CLVS1: variants seen among roughly 807,000 people sequenced by gnomAD.
CLVS1 encodes clavesin 1, also known as clavesin-1.
A neutral mutation model predicts 33.1 loss-of-function variants in CLVS1; 10 were observed. The ratio of observed to expected loss-of-function variants is 0.30; its 90% CI spans 0.19 to 0.51. The LOEUF (loss-of-function observed/expected upper bound fraction) is 0.51. CLVS1 is among the 20% of genes least tolerant of loss of function. The pLI, the probability that CLVS1 is intolerant of heterozygous loss-of-function variation, is 0.97. For missense variants in CLVS1, 343 were observed against 433.4 expected (o/e 0.79, Z 1.85); for synonymous variants, 163 against 166.1 (o/e 0.98, Z 0.14).
upstream of CLVS1, among the ~76,000 whole-genome samples, chr8:61,283,978 G>A (rs1432459176): frequency 2.0e-5 from 3 of 152,092 alleles, no homozygotes; most frequent in Admixed American, 6.6e-5. Context: ...TATGGAATCG[G>A]CCTAAGTGTA....
At chr8:61,119,719 G>A (rs1318515218) in intron 1 of CLVS1, among the ~76,000 whole-genome samples, 1 of 127,760 alleles carries the variant, frequency 7.8e-6, no homozygotes, top group African/African-American at 3.4e-5. Flanking sequence ...CTTCTGGCTT[G>A]TAGGGTTTCT....
At chr8:61,498,052 C>CCTAT (rs1804329204) in intron 5 of CLVS1, among the ~76,000 whole-genome samples, 1 of 152,142 alleles carries the variant, frequency 6.6e-6, no homozygotes, top group Non-Finnish European at 1.5e-5. Context: ...TTGCTAACCT[C>CCTAT]CTATCTCATT....
intron 2 of CLVS1, among the ~76,000 whole-genome samples, chr8:61,262,994 C>T (rs571245216): frequency 6.6e-6 from 1 of 152,260 alleles, no homozygotes; most frequent in Non-Finnish European, 1.5e-5. Flanking sequence ...TGCTGTGCCA[C>T]ATTGTCTCAG....
intron 5 of CLVS1, among the ~76,000 whole-genome samples, chr8:61,484,673 A>C (rs1255286655): frequency 1.3e-5 from 2 of 152,238 alleles, no homozygotes; most frequent in Non-Finnish European, 2.9e-5. Flanking sequence ...TGGAGGCATC[A>C]CGCTACCTGA....
At chr8:61,406,618 T>TGGG (rs57210777) in intron 3 of CLVS1, among the ~76,000 whole-genome samples, 1 of 145,098 alleles carries the variant, frequency 6.9e-6, no homozygotes, top group African/African-American at 2.5e-5. Flanking sequence ...GTTTTTTTTG[T>TGGG]GGGGGGGGGG....
chr8:61,252,111 A>G (rs2978497), intron 2 of CLVS1, among the ~76,000 whole-genome samples: 74,122 of 151,942 alleles, frequency 0.49, 19,284 homozygotes, highest in East Asian at 0.96. Context: ...ATTCTGGTAC[A>G]TTGTGTCTTC....
intron 1 of CLVS1, among the ~76,000 whole-genome samples, chr8:61,126,972 T>C (rs1167732962): frequency 6.6e-6 from 1 of 152,194 alleles, no homozygotes; most frequent in Non-Finnish European, 1.5e-5. Flanking sequence ...TGTTCCTCAA[T>C]TGGCCTGGGT....
chr8:61,453,353 A>G (rs16927318), intron 3 of CLVS1, among the ~76,000 whole-genome samples: 21,131 of 152,038 alleles, frequency 0.14, 3,940 homozygotes, highest in African/African-American at 0.43. Context: ...CATCTAAAAC[A>G]TAAGCTGATC....
At chr8:61,340,478 G>A (rs1237339395) in intron 2 of CLVS1, among the ~76,000 whole-genome samples, 1 of 152,142 alleles carries the variant, frequency 6.6e-6, no homozygotes, top group Non-Finnish European at 1.5e-5. Context: ...TTAATACAAT[G>A]TCTTCCAGGT....
intron 3 of CLVS1, among the ~76,000 whole-genome samples, chr8:61,431,305 G>C (rs1168962764): frequency 6.6e-6 from 1 of 152,184 alleles, no homozygotes; most frequent in African/African-American, 2.4e-5. Context: ...CAGATTTCTT[G>C]TGTAAGAGAC....
At chr8:61,399,246 G>A (rs930858761) in intron 3 of CLVS1, among the ~76,000 whole-genome samples, 1 of 151,918 alleles carries the variant, frequency 6.6e-6, no homozygotes, top group Non-Finnish European at 1.5e-5. Context: ...TAGCCATTCT[G>A]GTATCTCATT....
chr8:60,984,955 G>GT, the CLVS1 span, among the ~76,000 whole-genome samples: 9 of 152,124 alleles, frequency 5.9e-5, no homozygotes, highest in Admixed American at 3.3e-4. Context: ...GAAATAGTCT[G>GT]TAAGTGTTCT....
At chr8:61,181,918 G>T (rs895366536) in intron 2 of CLVS1, among the ~76,000 whole-genome samples, 2 of 151,814 alleles carry the variant, frequency 1.3e-5, no homozygotes, top group Non-Finnish European at 2.9e-5. Flanking sequence ...AGCCAGGATG[G>T]TCTCGATCTC....
At chr8:61,433,889 A>G (rs111439143) in intron 3 of CLVS1, among the ~76,000 whole-genome samples, 6 of 152,122 alleles carry the variant, frequency 3.9e-5, no homozygotes, top group African/African-American at 1.4e-4. Context: ...ACTCCAGCCT[A>G]GGTGACAGAG....
chr8:61,191,430 C>T (rs1227775901), intron 2 of CLVS1, among the ~76,000 whole-genome samples: 1 of 152,128 alleles, frequency 6.6e-6, no homozygotes, highest in Non-Finnish European at 1.5e-5. Flanking sequence ...ACTGAATGGA[C>T]AAAAACTGGA....
intron 1 of CLVS1, among the ~76,000 whole-genome samples, chr8:61,074,176 A>C (rs1194236752): frequency 6.6e-6 from 1 of 150,978 alleles, no homozygotes; most frequent in African/African-American, 2.4e-5. Flanking sequence ...TGTCTCTGCA[A>C]AAAATGCAAA....
rs1805444425 is a variant in CLVS1 at position 61,101,282 on chromosome 8, G to A, written c.-242-30488G>A. On this transcript the variant is annotated intron_variant, in intron 1 of 2. Coordinates refer to the CLVS1 transcript ENST00000522621. Reference sequence around the variant, plus strand: ...TTCTAGCCATCCTTGTGGATGTAAAGTGGTATCTCATTGTCATTTTAGTTT... The same window carrying A: ...TTCTAGCCATCCTTGTGGATGTAAAATGGTATCTCATTGTCATTTTAGTTT... Among the ~76,000 whole-genome samples the A allele has an allele frequency of 2.0e-5, 3 of 152,250 alleles. No individual in the cohort carries two copies. The South Asian group carries it at 6.2e-4, about 32-fold the overall frequency.
intron 2 of CLVS1, among the ~76,000 whole-genome samples, chr8:61,240,165 C>T (rs2129314007): frequency 6.6e-6 from 1 of 152,316 alleles, no homozygotes; most frequent in African/African-American, 2.4e-5. Context: ...TATAGCGCTG[C>T]TTTTTTTCTG....
intron 2 of CLVS1, among the ~76,000 whole-genome samples, chr8:61,271,734 T>C (rs549817988): frequency 0.068 from 8,922 of 130,438 alleles, 766 homozygotes; most frequent in African/African-American, 0.21. Flanking sequence ...GATAGTTAGC[T>C]CTTCTTGTTG....
Sources: allele counts gnomAD v4.1 joint callset (sites outside exome capture counted in the v4.1 genomes callset), GRCh38; gene constraint gnomAD v4.1.1; transcripts MANE v1.5; gene names NCBI Gene and HGNC (gene_info 2026-07-23, HGNC 2026-07-21).